DNAH10: variants seen among roughly 807,000 people sequenced by gnomAD.
The protein encoded by DNAH10 is axonemal beta dynein heavy chain 10.
A neutral mutation model predicts 506.6 loss-of-function variants in DNAH10; 348 were observed. The observed-to-expected ratio is 0.69, with a 90% confidence interval of 0.63 to 0.75. The LOEUF (loss-of-function observed/expected upper bound fraction) is 0.75. DNAH10 is among the 30% of genes least tolerant of loss of function. The pLI is 0.00. For synonymous variants in DNAH10, 2,059 were observed against 2,198.6 expected (o/e 0.94, Z 1.78); for missense variants, 5,179 against 5,787.1 (o/e 0.89, Z 3.41).
chr12:123,827,214 G>A (rs928815025), intron 25 of DNAH10, among the ~76,000 whole-genome samples: 3 of 152,068 alleles, frequency 2.0e-5, no homozygotes, highest in African/African-American at 4.8e-5. Context: ...GACATCAAAC[G>A]GAACTCACAT....
At chr12:123,889,468 G>T (rs1368304088) in intron 52 of DNAH10, among the ~76,000 whole-genome samples, 1 of 152,178 alleles carries the variant, frequency 6.6e-6, no homozygotes, top group Non-Finnish European at 1.5e-5. Context: ...GGAATAAGAT[G>T]GTCATGACCT....
intron 51 of DNAH10, among the ~76,000 whole-genome samples, chr12:123,886,467 T>TTG (rs956302622): frequency 7.3e-6 from 1 of 137,220 alleles, no homozygotes; most frequent in African/African-American, 2.7e-5. Context: ...CCTGGTTGCG[T>TTG]TGCGCGCGCG....
Position 123,867,593 on chromosome 12 carries a change from C to G in DNAH10, c.7294C>G (p.Leu2432Val), listed in dbSNP as rs146743495. ...GAAGACAATAGTTCCTCAGACAGAC[C>G]TCAATATGGTAAGAAATGATCCCTG... ...KLKTIVPQTD[L>V]NMVTQLAKML... Residue 2432 changes from leucine to valine, a missense_variant, in exon 42 of 79, where the codon CTC becomes GTC. Leu to Val is a conservative substitution (Grantham distance 32). Transcript: ENST00000673944. 4.3e-6 allele frequency: 7 copies of G among 1,613,556 alleles called. No individual in the cohort carries two copies. The African/African-American group carries it at 9.3e-5, about 22-fold the overall frequency.
rs775762838 is a variant in DNAH10, at chr12:123,893,237, T to A, written c.9000T>A (p.Ile3000=). The change falls in exon 53 of 79, where the codon ATT becomes ATA. Residue 3000 remains isoleucine (I), a synonymous_variant. Coordinates refer to ENST00000673944, the MANE Select transcript of DNAH10 (RefSeq NM_001372106.1). ...ELINNMLTSG[I]VPALFSEEEK... ...CAGCATGTCTTCCTTTTCCAGGAAT[T>A]GTACCTGCGCTTTTTTCTGAAGAGG... The A allele has an allele frequency of 3.1e-6, 5 of 1,614,018 alleles. No homozygotes were observed. Among genetic ancestry groups the A allele is most frequent in the Non-Finnish European group, 4.2e-6 (5 of 1,179,886 alleles).
rs1384138982 is a variant in DNAH10, at chr12:123,781,159, C to T, written c.701C>T (p.Ser234Phe). ...GTCACATCTGGAGAAGTCTCTAATT[C>T]CTCTGAGCATGAATCAGACCTGCCG... ...VGVTSGEVSN[S>F]SEHESDLPPM... Residue 234 changes from serine to phenylalanine, a missense_variant, in exon 6 of 79, where the codon TCC becomes TTC. Physicochemically the swap from Ser to Phe is radical, Grantham distance 155. Coordinates refer to ENST00000673944, the MANE Select transcript of DNAH10 (RefSeq NM_001372106.1). The T allele has an allele frequency of 2.5e-6, 4 of 1,614,034 alleles. No individual in the cohort carries two copies. The highest frequency in any genetic ancestry group is 1.1e-5 in the South Asian group (1 of 91,076).
At position 123,803,807 on chromosome 12, in the gene DNAH10, A is replaced by G. The variant is rs185379618; in HGVS notation, c.2761A>G (p.Ser921Gly). The G allele has an allele frequency of 2.6e-5, 42 of 1,611,470 alleles. No individual in the cohort carries two copies. In the East Asian group the frequency reaches 8.0e-4, roughly 31 times the overall value. The change falls in exon 17 of 79, where the codon AGT (serine) becomes GGT (glycine). Residue 921 changes from serine (S) to glycine (G), a missense_variant. Physicochemically the swap from Ser to Gly is moderately conservative, Grantham distance 56. Transcript: ENST00000673944. ...INLFKYPAAK[S>G]EEELPGVKEF... ...TCTCTTTAAATATCCAGCCGCTAAAAGTGAGGAAGAACTCCCAGGTAGATC... is the reference window on the plus strand; with the variant it reads ...TCTCTTTAAATATCCAGCCGCTAAAGGTGAGGAAGAACTCCCAGGTAGATC...
chr12:123,828,258 C>G (rs1594127630), intron 25 of DNAH10, among the ~76,000 whole-genome samples: 3 of 151,658 alleles, frequency 2.0e-5, no homozygotes, highest in East Asian at 3.9e-4. Context: ...GTGAATGACC[C>G]TGGGGAGGGA....
intron 71 of DNAH10, 67 bp downstream of exon 71, chr12:123,929,551 C>T (rs3802999): frequency 0.32 from 504,656 of 1,577,162 alleles, 82,804 homozygotes; most frequent in Middle Eastern, 0.41. Flanking sequence ...GACTTTCCTC[C>T]GGGTTCAACC....
intron 50 of DNAH10, among the ~76,000 whole-genome samples, chr12:123,881,380 T>C (rs1952499236): frequency 6.6e-6 from 1 of 152,234 alleles, no homozygotes; most frequent in Non-Finnish European, 1.5e-5. Context: ...GTGGTTTTGA[T>C]TTGCATTTCT....
At position 123,879,320 on chromosome 12, in the gene DNAH10, T is replaced by C; in HGVS notation, c.8429T>C (p.Phe2810Ser). The C allele has an allele frequency of 6.3e-7, 1 of 1,577,690 alleles. No homozygotes were observed. Among genetic ancestry groups the C allele is most frequent in the Non-Finnish European group, 8.6e-7 (1 of 1,161,212 alleles). ...TGGAGGAATGAGTGTCTGAGAGTCT[T>C]CCACGACCGGCTGATCAGTGAAACA... ...RVWRNECLRV[F>S]HDRLISETDK... Residue 2810 changes from phenylalanine (F) to serine (S), a missense_variant, in exon 49 of 79, where the codon TTC (phenylalanine) becomes TCC (serine). Physicochemically the swap from Phe to Ser is radical, Grantham distance 155. Transcript: ENST00000673944.
At chr12:123,870,592 C>G in intron 44 of DNAH10, 107 bp downstream of exon 44, 2 of 1,429,750 alleles carry the variant, frequency 1.4e-6, no homozygotes, top group Middle Eastern at 1.8e-4. Context: ...AAGTCCCACG[C>G]AGAGAGCTGG....
At chr12:123,852,448 T>A (rs1465544934) in intron 35 of DNAH10, among the ~76,000 whole-genome samples, 2 of 152,204 alleles carry the variant, frequency 1.3e-5, no homozygotes, top group East Asian at 3.9e-4. Flanking sequence ...GGATTTTGAG[T>A]TGGCACGATG....
At chr12:123,868,574 A>G (rs967777743) in intron 43 of DNAH10, among the ~76,000 whole-genome samples, 3 of 152,244 alleles carry the variant, frequency 2.0e-5, no homozygotes, top group Non-Finnish European at 4.4e-5. Context: ...TTCATAGGAA[A>G]TCATACAATT....
Position 123,879,721 on chromosome 12 carries a change from T to C in DNAH10, c.8554T>C (p.Phe2852Leu), listed in dbSNP as rs755150664. 2 of 1,613,882 alleles carry C rather than the reference T, an allele frequency of 1.2e-6. No individual in the cohort carries two copies. The highest frequency in any genetic ancestry group is 2.7e-5 in the African/African-American group (2 of 74,904). ...VMRDPILFGD[F>L]QMALHEGEPR... ...GAGGGATCCCATATTGTTTGGAGAC[T>C]TCCAGATGGCTCTGCACGAAGGAGA... Residue 2852 changes from phenylalanine to leucine, a missense_variant, in exon 50 of 79, where the codon TTC becomes CTC. By Grantham distance (22) the Phe-to-Leu change is conservative. This residue lies in a region of DNAH10 where 4,844 missense variants were observed against 5,430.5 expected (regional missense o/e 0.89). Transcript: ENST00000673944.
intron 51 of DNAH10, among the ~76,000 whole-genome samples, chr12:123,884,232 G>A (rs528320652): frequency 6.6e-6 from 1 of 152,254 alleles, no homozygotes; most frequent in South Asian, 2.1e-4. Context: ...ACGGGGTTTC[G>A]CCATGTTGGC....
At chr12:123,841,788 A>C (rs1950784372) in intron 30 of DNAH10, among the ~76,000 whole-genome samples, 1 of 152,122 alleles carries the variant, frequency 6.6e-6, no homozygotes, top group African/African-American at 2.4e-5. Flanking sequence ...CTGGTTCAAG[A>C]GATTCTCCCA....
chr12:123,888,538 C>G (rs1952838927), intron 52 of DNAH10, among the ~76,000 whole-genome samples: 1 of 152,144 alleles, frequency 6.6e-6, no homozygotes, highest in Non-Finnish European at 1.5e-5. Context: ...TCCCACAAGT[C>G]ACGGGACACC....
intron 53 of DNAH10, among the ~76,000 whole-genome samples, chr12:123,894,082 CTTTTTTTTT>C (rs558490981): frequency 4.5e-5 from 4 of 89,158 alleles, no homozygotes; most frequent in South Asian, 4.2e-4. Context: ...AATGAGCATC[CTTTTTTTTT>C]TTTTTTTTTT....
intron 59 of DNAH10, among the ~76,000 whole-genome samples, chr12:123,912,697 G>A (rs1003304401): frequency 2.6e-5 from 4 of 152,170 alleles, no homozygotes; most frequent in Non-Finnish European, 4.4e-5. Flanking sequence ...AAGAGAATAA[G>A]GTTAATTTGA....
Sources: gnomAD v4.1 joint callset for allele counts (sites outside exome capture counted in the v4.1 genomes callset) on GRCh38, gnomAD v4.1.1 for gene constraint, gnomAD v4.1.1 regional missense constraint, MANE v1.5 for transcripts, NCBI Gene and HGNC (gene_info 2026-07-23, HGNC 2026-07-21) for gene names.